CTSB: variants seen among roughly 807,000 people sequenced by gnomAD.
CTSB encodes APP secretase.
In CTSB, 57 loss-of-function variants were observed where a neutral mutation model predicts 44.3. That is an observed-to-expected ratio of 1.29 (90% CI 1.04 to 1.60). CTSB has a LOEUF of 1.60. Ranked by LOEUF, CTSB falls within the 40% of genes most tolerant of loss-of-function variation. The pLI, the probability that CTSB is intolerant of heterozygous loss-of-function variation, is 0.00. For synonymous variants in CTSB, 320 were observed against 168.0 expected (o/e 1.91, Z -7.00); for missense variants, 768 against 443.0 (o/e 1.73, Z -6.59).
chr8:11,845,762 A>C lies in CTSB; in HGVS notation c.821T>G (p.Met274Arg), dbSNP rs758729032. The C allele has an allele frequency of 6.2e-7, 1 of 1,614,010 alleles. No homozygotes were observed. The highest frequency in any genetic ancestry group is 8.5e-7 in the Non-Finnish European group (1 of 1,179,938). ...SGVYQHVTGE[M>R]MGGHAIRILG... is the part of the protein sequence containing the mutation. Reference sequence around the variant, plus strand: ...GATGCGGATGGCATGGCCACCCATCATCTCTCCGGTGACGTGTTGGTACAC... The same window carrying C: ...GATGCGGATGGCATGGCCACCCATCCTCTCTCCGGTGACGTGTTGGTACAC... Residue 274 changes from methionine to arginine, a missense_variant, in exon 9 of 10, where the codon ATG (methionine) becomes AGG (arginine). Met to Arg is a moderately conservative substitution (Grantham distance 91). Coordinates refer to ENST00000353047, the MANE Select transcript of CTSB (RefSeq NM_001908.5).
chr8:11,847,278 T>G (rs772035893), intron 7 of CTSB, 110 bp from the exon 8 acceptor site: 9 of 736,048 alleles, frequency 1.2e-5, no homozygotes, highest in Non-Finnish European at 1.7e-5. Context: ...AGACTGCATC[T>G]AAGGGGACTT....
intron 8 of CTSB, among the ~76,000 whole-genome samples, 185 bp from the exon 9 acceptor site, chr8:11,845,974 C>T (rs1056094602): frequency 2.0e-5 from 3 of 152,094 alleles, no homozygotes; most frequent in Non-Finnish European, 2.9e-5. Flanking sequence ...TTTTGAAGGC[C>T]CAACACACTC....
chr8:11,846,980 C>T, intron 8 of CTSB, 72 bp downstream of exon 8: 3 of 828,368 alleles, frequency 3.6e-6, no homozygotes, highest in Admixed American at 3.5e-5. Context: ...TATTGGTCAA[C>T]ATGAACCATC....
chr8:11,847,935 C>A, intron 6 of CTSB, 113 bp from the exon 7 acceptor site: 1 of 1,373,316 alleles, frequency 7.3e-7, no homozygotes, highest in East Asian at 2.3e-5. Context: ...TGCCAGAGGC[C>A]TGTGCACCTG....
intron 3 of CTSB, among the ~76,000 whole-genome samples, chr8:11,851,295 T>C (rs1814560688): frequency 1.3e-5 from 2 of 152,104 alleles, no homozygotes; most frequent in Middle Eastern, 3.2e-3. Context: ...GTTCAATCGA[T>C]TCTCGTGCCT....
intron 8 of CTSB, chr8:11,846,460 T>C (rs73663022): frequency 6.6e-6 from 1 of 152,426 alleles, no homozygotes; most frequent in Non-Finnish European, 1.5e-5. Flanking sequence ...ATGGGATAGA[T>C]GCAGTCAGCA....
At chr8:11,846,977 C>A (rs1368403770) in intron 8 of CTSB, 75 bp downstream of exon 8, 37 of 810,038 alleles carry the variant, frequency 4.6e-5, no homozygotes, top group Admixed American at 8.8e-5. Flanking sequence ...CCCTATTGGT[C>A]AACATGAACC....
In CTSB at chr8:11,850,877, C is replaced by T. The variant is rs775769570; in HGVS notation, c.316G>A (p.Gly106Ser). The change falls in exon 4 of 10, where the codon GGC (glycine) becomes AGC (serine). Residue 106 changes from glycine to serine, a missense_variant. Physicochemically the swap from Gly to Ser is moderately conservative, Grantham distance 56. Transcript: ENST00000353047. The part of the protein sequence containing the change: ...IKEIRDQGSC[G>S]SCWAFGAVEA... Reference sequence around the variant, plus strand: ...CAGCAGGGCCTTACCCAGCAGGAGCCACAGGAGCCCTGGTCTCTGATCTCT... The same window carrying T: ...CAGCAGGGCCTTACCCAGCAGGAGCTACAGGAGCCCTGGTCTCTGATCTCT... 1 of 1,612,578 alleles carries T rather than the reference C, an allele frequency of 6.2e-7. No homozygotes were observed. The highest frequency in any genetic ancestry group is 8.5e-7 in the Non-Finnish European group (1 of 1,179,000).
chr8:11,861,707 C>G (rs1234537244), intron 1 of CTSB, among the ~76,000 whole-genome samples: 2 of 152,242 alleles, frequency 1.3e-5, no homozygotes, highest in Non-Finnish European at 2.9e-5. Flanking sequence ...AGAGCCAATG[C>G]ATTCACCACG....
intron 1 of CTSB, chr8:11,853,915 T>G (rs1815058754): frequency 6.5e-6 from 1 of 153,824 alleles, no homozygotes; most frequent in African/African-American, 2.4e-5. Context: ...GAGTCCTAGT[T>G]TCGACAGGAC....
At chr8:11,865,884 G>C (rs1362435773) in intron 1 of CTSB, among the ~76,000 whole-genome samples, 1 of 149,446 alleles carries the variant, frequency 6.7e-6, no homozygotes, top group Non-Finnish European at 1.5e-5. Flanking sequence ...GTGTGGTGAT[G>C]GGCACTGGCA....
At chr8:11,849,946 T>A (rs746390390) in intron 4 of CTSB, 1 of 152,288 alleles carries the variant, frequency 6.6e-6, no homozygotes, top group African/African-American at 2.4e-5. Context: ...TCCACTTGTA[T>A]GAGGTCCCTA....
intron 1 of CTSB, chr8:11,857,746 C>A (rs1195745294): frequency 1.3e-5 from 2 of 152,708 alleles, no homozygotes; most frequent in East Asian, 1.9e-4. Context: ...CCACACCTCC[C>A]TGTGCTCCCT....
intron 8 of CTSB, chr8:11,846,182 CA>C (rs1027358405): frequency 1.9e-5 from 3 of 154,414 alleles, no homozygotes; most frequent in African/African-American, 7.2e-5. Flanking sequence ...ATAGCTGCTC[CA>C]GGTACACCCT....
chr8:11,848,351 C>A (rs1462152535), intron 5 of CTSB, 199 bp from the exon 6 acceptor site: 1 of 681,758 alleles, frequency 1.5e-6, no homozygotes, highest in African/African-American at 1.8e-5. Context: ...TAACCGCCAG[C>A]CCCACCCCTG....
intron 1 of CTSB, among the ~76,000 whole-genome samples, chr8:11,860,090 A>G (rs1396513102): frequency 6.6e-6 from 1 of 152,150 alleles, no homozygotes; most frequent in East Asian, 1.9e-4. Context: ...AAAAAGAAAG[A>G]AAAAGCTTTC....
At chr8:11,857,443 G>C (rs548181552) in intron 1 of CTSB, among the ~76,000 whole-genome samples, 1 of 152,218 alleles carries the variant, frequency 6.6e-6, no homozygotes, top group Non-Finnish European at 1.5e-5. Context: ...CTCGTGGGCA[G>C]ACAGCAGTGT....
intron 3 of CTSB, among the ~76,000 whole-genome samples, 198 bp downstream of exon 3, chr8:11,852,412 G>C (rs1814754241): frequency 6.6e-6 from 1 of 152,088 alleles, no homozygotes; most frequent in Non-Finnish European, 1.5e-5. Flanking sequence ...CTAATAACTT[G>C]AGAAGGAAAA....
At chr8:11,855,369 A>G (rs1586157777) in intron 1 of CTSB, among the ~76,000 whole-genome samples, 1 of 152,350 alleles carries the variant, frequency 6.6e-6, no homozygotes, top group East Asian at 1.9e-4. Context: ...TGCCCTTTGA[A>G]AAACAGGCTG....
Sources: allele counts gnomAD v4.1 joint callset (sites outside exome capture counted in the v4.1 genomes callset), GRCh38; gene constraint gnomAD v4.1.1; transcripts MANE v1.5; gene names NCBI Gene and HGNC (gene_info 2026-07-23, HGNC 2026-07-21).